The following ROBO1 variants were observed in gnomAD, a reference collection of about 807,000 sequenced individuals.
ROBO1 encodes roundabout homolog 1.
Under a neutral mutation model 195.9 loss-of-function variants are expected in ROBO1, and 149 were observed. The ratio of observed to expected loss-of-function variants is 0.76; its 90% CI spans 0.67 to 0.87. ROBO1 has a LOEUF of 0.87. Ranked by LOEUF, ROBO1 falls within the 40% of genes least tolerant of loss-of-function variation. The pLI, the probability that ROBO1 is intolerant of heterozygous loss-of-function variation, is 0.00. For synonymous variants in ROBO1, 816 were observed against 733.2 expected, an observed-to-expected ratio of 1.11 and a Z score of -1.82; for missense variants, 1,933 against 2,068.3, an observed-to-expected ratio of 0.93 and a Z score of 1.27.
At chr3:79,022,072 C>A (rs1450050834) in intron 3 of ROBO1, among the ~76,000 whole-genome samples, 1 of 152,190 alleles carries the variant, frequency 6.6e-6, no homozygotes, top group African/African-American at 2.4e-5. Flanking sequence ...TTAGTCCTTT[C>A]TTTTTCCTGT....
At chr3:78,732,043 T>C (rs956154797) in intron 5 of ROBO1, among the ~76,000 whole-genome samples, 2 of 152,128 alleles carry the variant, frequency 1.3e-5, no homozygotes, top group African/African-American at 4.8e-5. Flanking sequence ...AAGGTGTATT[T>C]TCCTATATTT....
chr3:79,110,241 C>A (rs1418460389), intron 3 of ROBO1, among the ~76,000 whole-genome samples: 1 of 151,948 alleles, frequency 6.6e-6, no homozygotes, highest in Non-Finnish European at 1.5e-5. Flanking sequence ...ACATTTTACA[C>A]TTTCAGAAAT....
At chr3:78,653,513 C>A (rs1479220262) in intron 18 of ROBO1, among the ~76,000 whole-genome samples, 1 of 152,228 alleles carries the variant, frequency 6.6e-6, no homozygotes, top group Non-Finnish European at 1.5e-5. Context: ...GAGCCTAGGT[C>A]TTCCCCACCT....
intron 4 of ROBO1, among the ~76,000 whole-genome samples, chr3:78,851,042 G>A (rs192891351): frequency 1.3e-5 from 2 of 152,108 alleles, no homozygotes; most frequent in Admixed American, 6.5e-5. Context: ...CCTGACCTCA[G>A]GTGATCCACC....
intron 1 of ROBO1, among the ~76,000 whole-genome samples, chr3:79,636,938 T>C (rs1223601594): frequency 6.6e-6 from 1 of 152,204 alleles, no homozygotes; most frequent in Non-Finnish European, 1.5e-5. Flanking sequence ...CCAAACATTA[T>C]CTTCTTATGA....
intron 4 of ROBO1, among the ~76,000 whole-genome samples, chr3:78,867,843 AGAC>A (rs986523685): frequency 6.6e-6 from 1 of 152,108 alleles, no homozygotes; most frequent in African/African-American, 2.4e-5. Flanking sequence ...CCTCAACAGA[AGAC>A]TTTTCTGCCA....
intron 5 of ROBO1, among the ~76,000 whole-genome samples, chr3:78,739,827 T>C (rs1049802301): frequency 6.6e-6 from 1 of 152,142 alleles, no homozygotes; most frequent in African/African-American, 2.4e-5. Context: ...CTCCAAATCA[T>C]TGAACATTAA....
chr3:79,670,596 T>G (rs961037358), intron 1 of ROBO1, among the ~76,000 whole-genome samples: 1 of 151,834 alleles, frequency 6.6e-6, no homozygotes, highest in African/African-American at 2.4e-5. Context: ...GTGATCTGGT[T>G]TCTATTATTT....
chr3:79,739,906 CCTT>C (rs970126094), intron 1 of ROBO1, among the ~76,000 whole-genome samples: 3 of 151,980 alleles, frequency 2.0e-5, no homozygotes, highest in African/African-American at 7.3e-5. Context: ...TCAGACTGCT[CCTT>C]GAGATTCAAA....
chr3:79,211,495 G>T lies in ROBO1; in HGVS notation c.89-85956C>A, dbSNP rs2081965412. ...TGACCCAGCTCTCACCCCCAATGTA[G>T]GGAAAGGTGACTATAAACTTGAACA... On this transcript the variant is annotated intron_variant, in intron 2 of 30. Coordinates refer to ENST00000464233, the MANE Select transcript of ROBO1 (RefSeq NM_002941.4). 2.0e-5 allele frequency among the ~76,000 whole-genome samples: 3 copies of T among 152,120 alleles called. No homozygotes were observed. In the South Asian group the frequency reaches 6.2e-4, roughly 32 times the overall value.
intron 3 of ROBO1, among the ~76,000 whole-genome samples, chr3:79,081,350 C>T (rs1394191150): frequency 6.6e-6 from 1 of 152,130 alleles, no homozygotes; most frequent in Non-Finnish European, 1.5e-5. Context: ...ACTCAGATGG[C>T]TGTCAGTGGT....
intron 2 of ROBO1, among the ~76,000 whole-genome samples, chr3:79,360,285 C>A (rs2035716540): frequency 6.6e-6 from 1 of 151,862 alleles, no homozygotes; most frequent in African/African-American, 2.4e-5. Flanking sequence ...GAACAAATCT[C>A]AAATGATGAT....
intron 2 of ROBO1, among the ~76,000 whole-genome samples, chr3:79,216,955 G>C (rs1576828261): frequency 6.6e-6 from 1 of 152,144 alleles, no homozygotes; most frequent in East Asian, 1.9e-4. Context: ...TATCATTAAA[G>C]TAAGTCAATG....
intron 2 of ROBO1, among the ~76,000 whole-genome samples, chr3:79,466,348 C>T (rs149456930): frequency 6.6e-6 from 1 of 152,132 alleles, no homozygotes; most frequent in East Asian, 1.9e-4. Context: ...ATTATTTGTC[C>T]TTGTATTTTA....
chr3:79,086,348 T>C (rs1484782369), intron 3 of ROBO1, among the ~76,000 whole-genome samples: 1 of 152,130 alleles, frequency 6.6e-6, no homozygotes, highest in Non-Finnish European at 1.5e-5. Flanking sequence ...TAAAAGCTCT[T>C]GTCTTTTTAA....
intron 4 of ROBO1, among the ~76,000 whole-genome samples, chr3:78,926,167 C>A (rs531910369): frequency 6.6e-6 from 1 of 152,094 alleles, no homozygotes; most frequent in Non-Finnish European, 1.5e-5. Context: ...CCACACCCAG[C>A]CAATATATAC....
chr3:79,757,472 TC>T (rs1704465719), intron 1 of ROBO1, among the ~76,000 whole-genome samples: 1 of 150,216 alleles, frequency 6.7e-6, no homozygotes. Context: ...CAATACTTGC[TC>T]TCTCTTTCTT....
intron 2 of ROBO1, among the ~76,000 whole-genome samples, chr3:79,530,405 T>G (rs1941600652): frequency 6.6e-6 from 1 of 152,130 alleles, no homozygotes; most frequent in Non-Finnish European, 1.5e-5. Context: ...ACTACCTGGA[T>G]TTGACATTCA....
chr3:78,832,268 A>G (rs577011480), intron 4 of ROBO1, among the ~76,000 whole-genome samples: 94 of 152,208 alleles, frequency 6.2e-4, no homozygotes, highest in Admixed American at 1.9e-3. Context: ...TCTTTTCTCA[A>G]CCTTTCTCCA....
Sources: allele counts gnomAD v4.1 joint callset (sites outside exome capture counted in the v4.1 genomes callset), GRCh38; gene constraint gnomAD v4.1.1; transcripts MANE v1.5; gene names NCBI Gene and HGNC (gene_info 2026-07-23, HGNC 2026-07-21).